VPS26A: variants seen among roughly 807,000 people sequenced by gnomAD.
VPS26A encodes vacuolar protein sorting-associated protein 26A.
A neutral mutation model predicts 42.4 loss-of-function variants in VPS26A; 22 were observed. The observed-to-expected ratio is 0.52, with a 90% CI of 0.37 to 0.74. The LOEUF (loss-of-function observed/expected upper bound fraction) is 0.74. VPS26A is among the 30% of genes least tolerant of loss of function. The pLI, the probability that VPS26A is intolerant of heterozygous loss-of-function variation, is 0.00. For synonymous variants in VPS26A, 110 were observed against 123.5 expected (o/e 0.89, Z 0.73); for missense variants, 276 against 379.2 (o/e 0.73, Z 2.26).
intron 7 of VPS26A, among the ~76,000 whole-genome samples, chr10:69,168,118 G>C (rs1476850573): frequency 6.6e-6 from 1 of 152,172 alleles, no homozygotes; most frequent in African/African-American, 2.4e-5. Flanking sequence ...CCAGTAAGTG[G>C]TTGAGATCTG....
chr10:69,153,454 C>T (rs1841365144), intron 2 of VPS26A, among the ~76,000 whole-genome samples: 1 of 151,938 alleles, frequency 6.6e-6, no homozygotes, highest in East Asian at 1.9e-4. Context: ...AAGGCTCCTC[C>T]TGCCACAGTC....
intron 2 of VPS26A, among the ~76,000 whole-genome samples, chr10:69,151,011 A>G (rs1841291559): frequency 6.6e-6 from 1 of 151,804 alleles, no homozygotes; most frequent in Non-Finnish European, 1.5e-5. Flanking sequence ...CACACCTGTA[A>G]TCCCAGCACT....
chr10:69,138,437 G>C (rs1033887231), intron 2 of VPS26A, among the ~76,000 whole-genome samples: 8 of 152,130 alleles, frequency 5.3e-5, no homozygotes, highest in African/African-American at 1.9e-4. Flanking sequence ...TTAATAAACT[G>C]CCAAAGACCT....
chr10:69,163,050 C>T (rs770432558), intron 6 of VPS26A, among the ~76,000 whole-genome samples: 39 of 152,214 alleles, frequency 2.6e-4, no homozygotes, highest in Non-Finnish European at 4.9e-4. Flanking sequence ...ATGCATACTT[C>T]GCTTTGCCAC....
chr10:69,155,900 A>G lies in VPS26A; in HGVS notation c.229+13A>G. The stretch of plus-strand genomic sequence containing the variant: ...GTAGGTCAAATTGGTGAGTTTTAAA[A>G]TAGTATTATTTCTTTTTCTTTGATA... On this transcript the variant is annotated intron_variant, in intron 3 of 8. Transcript: ENST00000263559. 1.3e-6 allele frequency: 2 copies of G among 1,588,480 alleles called. No individual in the cohort carries two copies. The highest frequency in any genetic ancestry group is 1.7e-6 in the Non-Finnish European group (2 of 1,163,560).
intron 2 of VPS26A, among the ~76,000 whole-genome samples, chr10:69,137,683 A>G (rs1414262753): frequency 1.3e-5 from 2 of 152,174 alleles, no homozygotes; most frequent in East Asian, 1.9e-4. Flanking sequence ...ACCTGATCAC[A>G]GGAGTGGTAT....
intron 5 of VPS26A, among the ~76,000 whole-genome samples, chr10:69,159,803 C>G (rs1030604492): frequency 6.6e-6 from 1 of 152,052 alleles, no homozygotes; most frequent in Non-Finnish European, 1.5e-5. Flanking sequence ...TTTCTTTTTT[C>G]ACATACTTTG....
At chr10:69,124,699 G>A (rs1312821838) in intron 1 of VPS26A, among the ~76,000 whole-genome samples, 1 of 152,224 alleles carries the variant, frequency 6.6e-6, no homozygotes, top group East Asian at 1.9e-4. Context: ...ACTCTTCGGG[G>A]GACTTGGGCA....
At chr10:69,152,435 T>C (rs888115476) in intron 2 of VPS26A, among the ~76,000 whole-genome samples, 1 of 152,254 alleles carries the variant, frequency 6.6e-6, no homozygotes, top group Non-Finnish European at 1.5e-5. Context: ...TTTTTAAACT[T>C]TTAATAATAT....
chr10:69,127,093 A>ATTTTT (rs71035057), intron 1 of VPS26A, among the ~76,000 whole-genome samples: 3,035 of 97,482 alleles, frequency 0.031, 129 homozygotes, highest in Non-Finnish European at 0.046. Context: ...CACCCGGCCA[A>ATTTTT]TTTTTTTTTT....
At chr10:69,142,106 A>G (rs1178082730) in intron 2 of VPS26A, among the ~76,000 whole-genome samples, 1 of 150,406 alleles carries the variant, frequency 6.6e-6, no homozygotes, top group African/African-American at 2.5e-5. Context: ...GATGGTCTCA[A>G]TCTCTTGACC....
intron 2 of VPS26A, among the ~76,000 whole-genome samples, chr10:69,134,448 G>A (rs944696342): frequency 7.2e-5 from 11 of 152,112 alleles, no homozygotes; most frequent in Non-Finnish European, 1.5e-4. Context: ...GCCAAAATTC[G>A]TGAAATATCT....
intron 2 of VPS26A, among the ~76,000 whole-genome samples, chr10:69,136,681 G>A (rs1423089116): frequency 6.6e-6 from 1 of 152,118 alleles, no homozygotes; most frequent in Non-Finnish European, 1.5e-5. Context: ...TTATGAAATG[G>A]AATACATTTA....
intron 5 of VPS26A, among the ~76,000 whole-genome samples, chr10:69,159,435 C>T (rs976091081): frequency 3.2e-4 from 48 of 151,288 alleles, no homozygotes; most frequent in African/African-American, 1.1e-3. Flanking sequence ...TCTCCAGAAG[C>T]GTGTCCATGA....
chr10:69,167,426 A>AAAAAAG (rs71471527), intron 7 of VPS26A, among the ~76,000 whole-genome samples: 12 of 145,774 alleles, frequency 8.2e-5, no homozygotes, highest in African/African-American at 2.8e-4. Flanking sequence ...CCTGCCTCAA[A>AAAAAAG]AAAAAGAAAA....
intron 5 of VPS26A, among the ~76,000 whole-genome samples, chr10:69,160,453 C>T (rs1190973394): frequency 6.6e-6 from 1 of 150,550 alleles, no homozygotes; most frequent in East Asian, 2.0e-4. Flanking sequence ...CCACCGCGCC[C>T]AACATATTTT....
chr10:69,129,552 A>AT (rs57072696), intron 1 of VPS26A, among the ~76,000 whole-genome samples: 9,321 of 147,096 alleles, frequency 0.063, 586 homozygotes, highest in African/African-American at 0.16. Context: ...AGAAAAAAAA[A>AT]TTTTTTTTTT....
chr10:69,128,938 A>G (rs1460019740), intron 1 of VPS26A, among the ~76,000 whole-genome samples: 2 of 139,698 alleles, frequency 1.4e-5, no homozygotes, highest in Non-Finnish European at 3.0e-5. Flanking sequence ...CAGAAGTTGC[A>G]GTCAGCTGAG....
intron 8 of VPS26A, 46 bp from the exon 9 acceptor site, chr10:69,171,110 A>C (rs753603163): frequency 9.0e-6 from 13 of 1,448,344 alleles, no homozygotes; most frequent in Admixed American, 1.8e-5. Context: ...GAGATAAGGC[A>C]TCATATCAAA....
Sources: gnomAD v4.1 joint callset for allele counts (sites outside exome capture counted in the v4.1 genomes callset) on GRCh38, gnomAD v4.1.1 for gene constraint, MANE v1.5 for transcripts, NCBI Gene and HGNC (gene_info 2026-07-23, HGNC 2026-07-21) for gene names.